DNAH8: variants seen among roughly 807,000 people sequenced by gnomAD.
The protein encoded by DNAH8 is axonemal beta dynein heavy chain 8.
In DNAH8, 382 loss-of-function variants were observed where a neutral mutation model predicts 562.1. The ratio of observed to expected loss-of-function variants is 0.68; its 90% CI spans 0.63 to 0.74. The LOEUF is 0.74. Among genes scored for constraint, DNAH8 ranks in the 30% least tolerant of loss-of-function variants. The probability of loss-of-function intolerance (pLI) is 0.00; values close to 1 mark genes in which losing one functional copy is unlikely to be tolerated. For missense variants in DNAH8, 5,203 were observed against 5,620.4 expected (o/e 0.93, Z 2.37); for synonymous variants, 1,881 against 1,919.4 (o/e 0.98, Z 0.52).
Position 38,886,877 on chromosome 6 carries a change from T to C in DNAH8, c.8346T>C (p.Asp2782=). 1 of 1,613,976 alleles carries C rather than the reference T, an allele frequency of 6.2e-7. No homozygotes were observed. The highest frequency in any genetic ancestry group is 8.5e-7 in the Non-Finnish European group (1 of 1,179,830). ...DKPGDFTTIV[D]VQLIAAMIHP... ...CTGGAGACTTCACTACTATTGTTGA[T>C]GTGCAGCTCATAGCAGCAATGATCC... is the stretch of plus-strand genomic sequence containing the variant. The change falls in exon 57 of 93, where the codon GAT becomes GAC. Residue 2782 remains aspartate, a synonymous_variant. Coordinates refer to ENST00000327475, the MANE Select transcript of DNAH8 (RefSeq NM_001206927.2).
At chr6:38,728,059 A>G (rs187531921) in intron 3 of DNAH8, among the ~76,000 whole-genome samples, 2 of 152,160 alleles carry the variant, frequency 1.3e-5, no homozygotes, top group Non-Finnish European at 2.9e-5. Flanking sequence ...TCAACCTCCC[A>G]GACTCGGGCC....
chr6:38,742,296 T>C (rs1698990), intron 8 of DNAH8, among the ~76,000 whole-genome samples: 38,936 of 152,042 alleles, frequency 0.26, 5,921 homozygotes, highest in Non-Finnish European at 0.35. Flanking sequence ...GATTCTAGAT[T>C]CTTTTCTTTT....
intron 52 of DNAH8, among the ~76,000 whole-genome samples, chr6:38,873,856 C>T (rs916840784): frequency 4.6e-5 from 7 of 151,128 alleles, no homozygotes; most frequent in African/African-American, 7.3e-5. Flanking sequence ...TTGGTAGCTT[C>T]GTGGGAAAGA....
intron 20 of DNAH8, among the ~76,000 whole-genome samples, chr6:38,790,939 G>A (rs1196118337): frequency 6.6e-6 from 1 of 152,008 alleles, no homozygotes; most frequent in Non-Finnish European, 1.5e-5. Flanking sequence ...TTGAAATGAT[G>A]GTTCAACTTC....
Position 38,906,413 on chromosome 6 carries a change from T to G in DNAH8, c.9348+6T>G, listed in dbSNP as rs1780484016. The G allele has an allele frequency of 2.6e-6, 4 of 1,554,344 alleles. No homozygotes were observed. The Admixed American group carries it at 7.8e-5, about 30-fold the overall frequency. ...ACTTGCTATCTTCAGGGGAGGTAAG[T>G]CTCAAAAGTAGAGAAAAAGCCCATA... On this transcript the variant is annotated splice_donor_region_variant and intron_variant, in intron 63 of 92. Transcript: ENST00000327475.
intron 20 of DNAH8, 35 bp downstream of exon 20, chr6:38,790,440 T>C: frequency 9.9e-7 from 1 of 1,006,750 alleles, no homozygotes. Flanking sequence ...TATCAACATA[T>C]ATACTCAGGA....
intron 28 of DNAH8, among the ~76,000 whole-genome samples, chr6:38,823,930 G>A (rs1773093710): frequency 6.6e-6 from 1 of 152,070 alleles, no homozygotes; most frequent in Non-Finnish European, 1.5e-5. Context: ...ATGTTAAATA[G>A]TTCTGGGCCA....
chr6:38,726,719 G>A (rs1355285642), intron 3 of DNAH8, among the ~76,000 whole-genome samples: 1 of 152,154 alleles, frequency 6.6e-6, no homozygotes, highest in Non-Finnish European at 1.5e-5. Flanking sequence ...AGGGGAAAAG[G>A]CAAGGATATA....
At chr6:38,804,291 CT>C (rs1771054688) in intron 22 of DNAH8, among the ~76,000 whole-genome samples, 2 of 152,152 alleles carry the variant, frequency 1.3e-5, no homozygotes, top group Non-Finnish European at 2.9e-5. Flanking sequence ...GGACTTTTAG[CT>C]TTGCTCAGAT....
intron 82 of DNAH8, among the ~76,000 whole-genome samples, chr6:38,971,214 C>T (rs1478388456): frequency 3.3e-5 from 5 of 152,174 alleles, no homozygotes; most frequent in Admixed American, 6.5e-5. Flanking sequence ...GGATTCTAAC[C>T]AAAACTTACA....
intron 91 of DNAH8, among the ~76,000 whole-genome samples, chr6:39,017,590 A>G (rs1766646925): frequency 6.6e-6 from 1 of 152,284 alleles, no homozygotes; most frequent in South Asian, 2.1e-4. Flanking sequence ...CGTTTAGCTC[A>G]ATCTGGAGCT....
intron 3 of DNAH8, among the ~76,000 whole-genome samples, chr6:38,725,344 T>C (rs919765413): frequency 1.4e-5 from 1 of 69,990 alleles, no homozygotes; most frequent in African/African-American, 5.2e-5. Context: ...AATAAAGAGC[T>C]ACTCCCTTGC....
intron 44 of DNAH8, among the ~76,000 whole-genome samples, 160 bp downstream of exon 44, chr6:38,862,618 G>C (rs958072455): frequency 2.6e-5 from 4 of 152,112 alleles, no homozygotes; most frequent in African/African-American, 9.7e-5. Context: ...AAAAATGGCT[G>C]GATATCAACA....
Position 38,812,211 on chromosome 6 carries a change from C to T in DNAH8, c.3258-1843C>T, listed in dbSNP as rs533746405. Among the ~76,000 whole-genome samples, 155 of 152,228 alleles carry T rather than the reference C, an allele frequency of 1.0e-3. 1 individual carries two copies. The highest frequency in any genetic ancestry group is 1.4e-3 in the Non-Finnish European group (96 of 68,016). On this transcript the variant is annotated intron_variant, in intron 24 of 92. Coordinates refer to ENST00000327475, the MANE Select transcript of DNAH8 (RefSeq NM_001206927.2). ...CCACGGTCACTGCCTCTTTCCAGCC[C>T]GGAACCCTGGCTAGGCTGTCCTTGA...
intron 17 of DNAH8, among the ~76,000 whole-genome samples, chr6:38,784,082 A>G: frequency 6.6e-6 from 1 of 152,174 alleles, no homozygotes. Context: ...TGCATCCTAG[A>G]GGACAGTGCC....
At chr6:38,774,519 G>T (rs1225149587) in intron 12 of DNAH8, among the ~76,000 whole-genome samples, 3 of 152,282 alleles carry the variant, frequency 2.0e-5, no homozygotes, top group African/African-American at 7.2e-5. Flanking sequence ...GTGGTATGGG[G>T]ACAGAGGGTA....
intron 53 of DNAH8, among the ~76,000 whole-genome samples, chr6:38,882,296 G>C (rs1480278484): frequency 6.6e-6 from 1 of 152,126 alleles, no homozygotes; most frequent in Non-Finnish European, 1.5e-5. Flanking sequence ...CAATAGCAAA[G>C]ACATGGAATC....
At chr6:38,932,460 TCTAA>T (rs1782627867) in intron 76 of DNAH8, among the ~76,000 whole-genome samples, 1 of 152,202 alleles carries the variant, frequency 6.6e-6, no homozygotes, top group African/African-American at 2.4e-5. Context: ...GGAAATTATG[TCTAA>T]CTGAGGGTTC....
intron 9 of DNAH8, among the ~76,000 whole-genome samples, chr6:38,754,928 GT>G (rs565348555): frequency 6.6e-6 from 1 of 151,698 alleles, no homozygotes; most frequent in Non-Finnish European, 1.5e-5. Flanking sequence ...CCTTGAGGGT[GT>G]TTTTTTTGTT....
Sources: gnomAD v4.1 joint callset for allele counts (sites outside exome capture counted in the v4.1 genomes callset) on GRCh38, gnomAD v4.1.1 for gene constraint, MANE v1.5 for transcripts, NCBI Gene and HGNC (gene_info 2026-07-23, HGNC 2026-07-21) for gene names.